The following SLC4A10 variants were observed in gnomAD, a reference collection of about 807,000 sequenced individuals.
The protein encoded by SLC4A10 is solute carrier family 4 member 10.
SLC4A10 carries 42 observed loss-of-function variants against 137.7 expected under a neutral mutation model. The ratio of observed to expected loss-of-function variants is 0.30; its 90% CI spans 0.24 to 0.39. The LOEUF (loss-of-function observed/expected upper bound fraction) is 0.39. SLC4A10 is among the 10% of genes least tolerant of loss of function. The probability of loss-of-function intolerance (pLI) is 1.00; values close to 1 mark genes in which losing one functional copy is unlikely to be tolerated. For synonymous variants in SLC4A10, 474 were observed against 464.1 expected (o/e 1.02, Z -0.27); for missense variants, 925 against 1,355.0 (o/e 0.68, Z 4.98).
At chr2:161,789,613 A>G (rs912719241) in intron 2 of SLC4A10, among the ~76,000 whole-genome samples, 3 of 152,204 alleles carry the variant, frequency 2.0e-5, no homozygotes, top group African/African-American at 7.2e-5. Flanking sequence ...AGAATTTTTC[A>G]GCCCTATTAT....
intron 10 of SLC4A10, among the ~76,000 whole-genome samples, chr2:161,885,961 G>A (rs2062240205): frequency 1.3e-5 from 2 of 152,120 alleles, no homozygotes; most frequent in Non-Finnish European, 2.9e-5. Flanking sequence ...AAAAAATTTA[G>A]CTGCATATAA....
At chr2:161,827,652 G>A (rs773236444) in intron 3 of SLC4A10, among the ~76,000 whole-genome samples, 36 of 151,462 alleles carry the variant, frequency 2.4e-4, no homozygotes, top group Non-Finnish European at 3.8e-4. Context: ...TGCAAGCTCC[G>A]CCTCCTGGGT....
At chr2:161,785,671 C>T (rs182320000) in intron 2 of SLC4A10, among the ~76,000 whole-genome samples, 23 of 151,788 alleles carry the variant, frequency 1.5e-4, no homozygotes, top group African/African-American at 5.3e-4. Context: ...AACAAATTAG[C>T]TGTAGAAGGG....
intron 3 of SLC4A10, among the ~76,000 whole-genome samples, chr2:161,821,756 T>C (rs914266386): frequency 1.3e-5 from 2 of 152,228 alleles, no homozygotes; most frequent in African/African-American, 4.8e-5. Flanking sequence ...ATTACACATT[T>C]GGAAAATTTA....
At chr2:161,745,622 G>A (rs1489804834) in intron 1 of SLC4A10, among the ~76,000 whole-genome samples, 1 of 151,612 alleles carries the variant, frequency 6.6e-6, no homozygotes, top group African/African-American at 2.4e-5. Context: ...TTAATGCTTG[G>A]GATATTTATT....
rs765203158 is a variant in SLC4A10, at chr2:161,872,361, A to C, written c.835A>C (p.Asn279His). The change falls in exon 7 of 27, where the codon AAC (asparagine) becomes CAC (histidine). Residue 279 changes from asparagine to histidine, a missense_variant. Transcript: ENST00000446997. ...VENKNDVSRE[N>H]STVDFSKGLG... ...AAATAAAAATGATGTTAGCAGAGAA[A>C]ACAGCACTGTTGACTTTAGCAAGGT... 1 of 1,613,640 alleles carries C rather than the reference A, an allele frequency of 6.2e-7. No individual in the cohort carries two copies. Among genetic ancestry groups the C allele is most frequent in the Non-Finnish European group, 8.5e-7 (1 of 1,179,708 alleles).
intron 3 of SLC4A10, among the ~76,000 whole-genome samples, chr2:161,812,399 C>T (rs2056640367): frequency 2.0e-5 from 3 of 151,794 alleles, no homozygotes; most frequent in Admixed American, 1.3e-4. Flanking sequence ...TTTGGGGGTA[C>T]ATGTGCAGGT....
chr2:161,753,282 C>G (rs1289036848), intron 1 of SLC4A10, among the ~76,000 whole-genome samples: 3 of 152,032 alleles, frequency 2.0e-5, no homozygotes, highest in Non-Finnish European at 4.4e-5. Context: ...TTGGAGCTCC[C>G]CAATTAAGCA....
intron 2 of SLC4A10, among the ~76,000 whole-genome samples, chr2:161,803,774 A>C (rs1264072761): frequency 6.6e-6 from 1 of 152,166 alleles, no homozygotes; most frequent in East Asian, 1.9e-4. Context: ...CTGAAACCTC[A>C]GATAGTACTG....
intron 2 of SLC4A10, among the ~76,000 whole-genome samples, chr2:161,794,008 GT>G (rs1271975237): frequency 6.6e-6 from 1 of 152,032 alleles, no homozygotes; most frequent in Non-Finnish European, 1.5e-5. Context: ...CATCAATGAA[GT>G]TAATAACAAT....
At chr2:161,778,916 C>T (rs1305415309) in intron 2 of SLC4A10, among the ~76,000 whole-genome samples, 1 of 151,836 alleles carries the variant, frequency 6.6e-6, no homozygotes, top group Admixed American at 6.6e-5. Context: ...CCTTTTGGGG[C>T]CACATAGTAC....
chr2:161,857,150 T>C lies in SLC4A10; in HGVS notation c.577+2020T>C, dbSNP rs1018715446. ...AGTTCACTTTCATTGTCCAAAATTATGCAAATTTTTCCTAACTCTGTCCCT... is the reference window on the plus strand; with the variant it reads ...AGTTCACTTTCATTGTCCAAAATTACGCAAATTTTTCCTAACTCTGTCCCT... On this transcript the variant is annotated intron_variant, in intron 5 of 26. Transcript: ENST00000446997. 1.1e-4 allele frequency among the ~76,000 whole-genome samples: 16 copies of C among 152,216 alleles called. 1 individual carries two copies. The highest frequency in any genetic ancestry group is 4.4e-5 in the Non-Finnish European group (3 of 68,026).
At position 161,719,717 on chromosome 2, in the gene SLC4A10, T is replaced by G. The variant is rs577419071; in HGVS notation, c.49-51256T>G. Among the ~76,000 whole-genome samples, 4 of 152,296 alleles carry G rather than the reference T, an allele frequency of 2.6e-5. No individual in the cohort carries two copies. The South Asian group carries it at 8.3e-4, about 32-fold the overall frequency. ...AATGTCTTCTTTTGAGAAATGTCTG[T>G]TCATATCCTTGGCCCACTTTTTGAT... On this transcript the variant is annotated intron_variant, in intron 1 of 26. Coordinates refer to ENST00000446997, the MANE Select transcript of SLC4A10 (RefSeq NM_001178015.2).
At chr2:161,756,837 AT>A (rs2049706923) in intron 1 of SLC4A10, among the ~76,000 whole-genome samples, 1 of 152,202 alleles carries the variant, frequency 6.6e-6, no homozygotes, top group African/African-American at 2.4e-5. Flanking sequence ...CTGTATGTGC[AT>A]ATATATTCTT....
At chr2:161,643,469 A>G (rs2035588124) in intron 1 of SLC4A10, among the ~76,000 whole-genome samples, 2 of 152,140 alleles carry the variant, frequency 1.3e-5, no homozygotes, top group Admixed American at 6.5e-5. Flanking sequence ...TTTGACTGGC[A>G]GTAATTTACT....
intron 15 of SLC4A10, among the ~76,000 whole-genome samples, chr2:161,922,972 A>G (rs1688412008): frequency 1.3e-5 from 2 of 152,214 alleles, no homozygotes; most frequent in Admixed American, 1.3e-4. Flanking sequence ...ATTAATAACT[A>G]CAAAGGCAAA....
chr2:161,773,836 T>A (rs2051981405), intron 2 of SLC4A10, among the ~76,000 whole-genome samples: 2 of 151,928 alleles, frequency 1.3e-5, no homozygotes, highest in Admixed American at 1.3e-4. Context: ...CAATTTTATG[T>A]CTTTTCCTCC....
rs1431509828 is a variant in SLC4A10 at position 161,882,365 on chromosome 2, T to A, written c.1115T>A (p.Phe372Tyr). The change falls in exon 10 of 27, where the codon TTC (phenylalanine) becomes TAC (tyrosine). Residue 372 changes from phenylalanine to tyrosine, a missense_variant. Physicochemically the swap from Phe to Tyr is conservative, Grantham distance 22 (BLOSUM62 3). Coordinates refer to ENST00000446997, the MANE Select transcript of SLC4A10 (RefSeq NM_001178015.2). ...AEVPIPTRFL[F>Y]ILLGPLGKGQ... is the part of the protein sequence containing the mutation. ...TTTCTTCTTAATTACAGATTTTTGT[T>A]CATTCTTCTGGGACCCCTGGGAAAG... 1 of 1,572,322 alleles carries A rather than the reference T, an allele frequency of 6.4e-7. No individual in the cohort carries two copies. Among genetic ancestry groups the A allele is most frequent in the Non-Finnish European group, 8.6e-7 (1 of 1,159,560 alleles).
intron 3 of SLC4A10, among the ~76,000 whole-genome samples, chr2:161,811,511 CATT>C (rs1323668625): frequency 2.6e-5 from 4 of 151,986 alleles, no homozygotes; most frequent in African/African-American, 9.7e-5. Context: ...AGATTGTAAC[CATT>C]ATGAAGTTAT....
Sources: gnomAD v4.1 joint callset for allele counts (sites outside exome capture counted in the v4.1 genomes callset) on GRCh38, gnomAD v4.1.1 for gene constraint, MANE v1.5 for transcripts, NCBI Gene and HGNC (gene_info 2026-07-23, HGNC 2026-07-21) for gene names.